LGR5: variants seen among roughly 807,000 people sequenced by gnomAD.
The protein encoded by LGR5 is leucine-rich repeat-containing G protein-coupled receptor 5.
In LGR5, 54 loss-of-function variants were observed where a neutral mutation model predicts 76.7. The ratio of observed to expected loss-of-function variants is 0.70; its 90% CI spans 0.57 to 0.88. The LOEUF (loss-of-function observed/expected upper bound fraction) is 0.88. Ranked by LOEUF, LGR5 falls within the 40% of genes least tolerant of loss-of-function variation. The pLI, the probability that LGR5 is intolerant of heterozygous loss-of-function variation, is 0.00. For missense variants in LGR5, 1,078 were observed against 1,073.3 expected (o/e 1.00, Z -0.06); for synonymous variants, 406 against 421.9 (o/e 0.96, Z 0.46).
chr12:71,584,487 A>T lies in LGR5; in HGVS notation c.2477A>T (p.His826Leu), dbSNP rs1372193090. The part of the protein sequence containing the change: ...NPLLYILFNP[H>L]FKEDLVSLRK... Reference sequence around the variant, plus strand: ...CTTCTCTACATCTTGTTCAATCCTCACTTTAAGGAGGATCTGGTGAGCCTG... The same window carrying T: ...CTTCTCTACATCTTGTTCAATCCTCTCTTTAAGGAGGATCTGGTGAGCCTG... The change falls in exon 18 of 18, where the codon CAC becomes CTC. Residue 826 changes from histidine to leucine, a missense_variant. Transcript: ENST00000266674. 14 of 1,613,836 alleles carry T rather than the reference A, an allele frequency of 8.7e-6. No homozygotes were observed. Among genetic ancestry groups the T allele is most frequent in the Non-Finnish European group, 1.2e-5 (14 of 1,179,992 alleles).
At chr12:71,542,524 A>G (rs1455020835) in intron 4 of LGR5, among the ~76,000 whole-genome samples, 1 of 152,172 alleles carries the variant, frequency 6.6e-6, no homozygotes, top group African/African-American at 2.4e-5. Flanking sequence ...TCATTGCAAT[A>G]GTCTAGGAGA....
chr12:71,562,826 A>T (rs1878126906), intron 8 of LGR5, among the ~76,000 whole-genome samples: 2 of 152,176 alleles, frequency 1.3e-5, no homozygotes, highest in African/African-American at 4.8e-5. Context: ...TCCTGTGCCA[A>T]CTGGAGTGAC....
intron 1 of LGR5, among the ~76,000 whole-genome samples, chr12:71,468,619 C>A (rs907116280): frequency 6.6e-6 from 1 of 150,702 alleles, no homozygotes. Flanking sequence ...GCCATTTAAG[C>A]TTTCAAAGCC....
chr12:71,517,178 C>T (rs182153729), intron 2 of LGR5, among the ~76,000 whole-genome samples: 3 of 152,178 alleles, frequency 2.0e-5, no homozygotes, highest in Non-Finnish European at 2.9e-5. Flanking sequence ...GTATGCATTT[C>T]GGTTTCAAAA....
chr12:71,553,907 A>C (rs1410309201), intron 5 of LGR5, among the ~76,000 whole-genome samples: 2 of 152,176 alleles, frequency 1.3e-5, no homozygotes, highest in Non-Finnish European at 2.9e-5. Flanking sequence ...CCTGGTCAAC[A>C]TGGTGAAACC....
intron 2 of LGR5, among the ~76,000 whole-genome samples, chr12:71,516,310 G>T (rs768128881): frequency 1.3e-4 from 19 of 151,930 alleles, no homozygotes; most frequent in Non-Finnish European, 2.4e-4. Flanking sequence ...AATCAAAAAG[G>T]GAAAGAAAAA....
chr12:71,533,763 C>A (rs1592520929), intron 3 of LGR5, among the ~76,000 whole-genome samples: 1 of 152,180 alleles, frequency 6.6e-6, no homozygotes, highest in Non-Finnish European at 1.5e-5. Flanking sequence ...ATGAGCCCTG[C>A]AAGGTAGGTG....
rs757010304 is a variant in LGR5 at position 71,583,870 on chromosome 12, T to G, written c.1860T>G (p.Thr620=). 1 of 1,614,148 alleles carries G rather than the reference T, an allele frequency of 6.2e-7. No homozygotes were observed. Among genetic ancestry groups the G allele is most frequent in the South Asian group, 1.1e-5 (1 of 91,072 alleles). Residue 620 remains threonine (T), a synonymous_variant, in exon 18 of 18, where the codon ACT becomes ACG. Coordinates refer to ENST00000266674, the MANE Select transcript of LGR5 (RefSeq NM_003667.4). ...SAVLAGVDAF[T]FGSFARHGAW... is the part of the protein sequence containing the mutation. Reference sequence around the variant, plus strand: ...TGCTGGCTGGTGTGGATGCGTTCACTTTTGGCAGCTTTGCACGACATGGTG... The same window carrying G: ...TGCTGGCTGGTGTGGATGCGTTCACGTTTGGCAGCTTTGCACGACATGGTG...
At chr12:71,519,228 A>G (rs1875602804) in intron 2 of LGR5, among the ~76,000 whole-genome samples, 1 of 152,132 alleles carries the variant, frequency 6.6e-6, no homozygotes, top group Admixed American at 6.5e-5. Flanking sequence ...TGTTGTCTTT[A>G]TATCGATACC....
intron 1 of LGR5, among the ~76,000 whole-genome samples, chr12:71,449,928 A>G (rs1472874552): frequency 6.6e-6 from 1 of 152,214 alleles, no homozygotes; most frequent in Non-Finnish European, 1.5e-5. Context: ...CTAGAGCATT[A>G]CCCTAATTGC....
At chr12:71,461,170 C>T (rs912703124) in intron 1 of LGR5, among the ~76,000 whole-genome samples, 2 of 152,156 alleles carry the variant, frequency 1.3e-5, no homozygotes, top group Non-Finnish European at 2.9e-5. Flanking sequence ...CTGCCCTGCC[C>T]CCTTCCCTCA....
At chr12:71,494,265 AC>A (rs1449070370) in intron 1 of LGR5, among the ~76,000 whole-genome samples, 2 of 149,798 alleles carry the variant, frequency 1.3e-5, no homozygotes, top group Non-Finnish European at 3.0e-5. Flanking sequence ...TTTTGTAGAG[AC>A]TAGGTCTCAC....
chr12:71,509,209 A>T (rs1875019957), intron 2 of LGR5, among the ~76,000 whole-genome samples: 1 of 152,304 alleles, frequency 6.6e-6, no homozygotes, highest in East Asian at 1.9e-4. Context: ...GCCTCAGAGG[A>T]GAATGGTGCT....
At chr12:71,454,231 T>C (rs569344159) in intron 1 of LGR5, among the ~76,000 whole-genome samples, 1 of 152,336 alleles carries the variant, frequency 6.6e-6, no homozygotes, top group East Asian at 1.9e-4. Flanking sequence ...AATCTCCTTA[T>C]ATCTTACTAC....
At chr12:71,573,479 G>A (rs1374484169) in intron 13 of LGR5, among the ~76,000 whole-genome samples, 1 of 152,000 alleles carries the variant, frequency 6.6e-6, no homozygotes, top group Non-Finnish European at 1.5e-5. Context: ...ACTAAGATTT[G>A]TAAATACTTG....
At chr12:71,515,052 CA>C (rs1334049280) in intron 2 of LGR5, among the ~76,000 whole-genome samples, 2 of 152,172 alleles carry the variant, frequency 1.3e-5, no homozygotes, top group Non-Finnish European at 2.9e-5. Context: ...CCCATCTGAC[CA>C]GCAGGGGCAC....
chr12:71,482,428 T>G (rs1873648846), intron 1 of LGR5, among the ~76,000 whole-genome samples: 1 of 152,064 alleles, frequency 6.6e-6, no homozygotes, highest in Non-Finnish European at 1.5e-5. Context: ...CACATGGCCT[T>G]CCCTCCACCT....
At chr12:71,535,522 AAT>A (rs1054116897) in intron 4 of LGR5, among the ~76,000 whole-genome samples, 19 of 152,166 alleles carry the variant, frequency 1.2e-4, no homozygotes, top group Non-Finnish European at 2.6e-4. Flanking sequence ...AAAAAAAAAA[AAT>A]AGATGCTGTA....
At chr12:71,474,247 A>G (rs908825867) in intron 1 of LGR5, among the ~76,000 whole-genome samples, 2 of 152,198 alleles carry the variant, frequency 1.3e-5, no homozygotes, top group African/African-American at 4.8e-5. Context: ...ATTAGAACCA[A>G]AAAATAAAGC....
Sources: allele counts gnomAD v4.1 joint callset (sites outside exome capture counted in the v4.1 genomes callset), GRCh38; gene constraint gnomAD v4.1.1; transcripts MANE v1.5; gene names NCBI Gene and HGNC (gene_info 2026-07-23, HGNC 2026-07-21).